The following HECW1 variants were observed in gnomAD, a reference collection of about 807,000 sequenced individuals.
The protein encoded by HECW1 is E3 ubiquitin-protein ligase HECW1.
A neutral mutation model predicts 182.3 loss-of-function variants in HECW1; 61 were observed. The ratio of observed to expected loss-of-function variants is 0.33; its 90% CI spans 0.27 to 0.41. The LOEUF is 0.41. HECW1 is among the 10% of genes least tolerant of loss of function. HECW1 has a pLI of 1.00. For synonymous variants in HECW1, 859 were observed against 832.6 expected (o/e 1.03, Z -0.55); for missense variants, 1,739 against 2,108.9 (o/e 0.82, Z 3.44).
intron 24 of HECW1, among the ~76,000 whole-genome samples, chr7:43,514,379 T>TC (rs1380212887): frequency 6.7e-6 from 1 of 150,152 alleles, no homozygotes; most frequent in Non-Finnish European, 1.5e-5. Flanking sequence ...AACCTCCACC[T>TC]CCTGGTTCAA....
intron 24 of HECW1, among the ~76,000 whole-genome samples, chr7:43,526,441 G>T (rs1174275151): frequency 6.6e-6 from 1 of 152,210 alleles, no homozygotes; most frequent in Non-Finnish European, 1.5e-5. Context: ...TAGAAAGATT[G>T]AATGAATGAA....
intron 2 of HECW1, among the ~76,000 whole-genome samples, chr7:43,219,121 AG>A (rs949731753): frequency 6.6e-6 from 1 of 151,864 alleles, no homozygotes; most frequent in African/African-American, 2.4e-5. Flanking sequence ...ATGCAAATAC[AG>A]GGCGCCATGA....
At chr7:43,371,977 G>A (rs1384969459) in intron 6 of HECW1, among the ~76,000 whole-genome samples, 7 of 151,950 alleles carry the variant, frequency 4.6e-5, no homozygotes, top group Non-Finnish European at 8.8e-5. Context: ...CCACCACCAC[G>A]CCCCGCTAAT....
At chr7:43,200,203 A>T (rs573376228) in intron 2 of HECW1, among the ~76,000 whole-genome samples, 1 of 152,242 alleles carries the variant, frequency 6.6e-6, no homozygotes, top group Non-Finnish European at 1.5e-5. Context: ...CTACCAAAAA[A>T]AGGCTTTCCT....
rs549203056 is a variant in HECW1, at chr7:43,444,339, G to T, written c.1167G>T (p.Glu389Asp). 1.9e-6 allele frequency: 3 copies of T among 1,614,184 alleles called. No individual in the cohort carries two copies. Among genetic ancestry groups the T allele is most frequent in the East Asian group, 4.5e-5 (2 of 44,882 alleles). ...GGTCTGAGGCACCAGAGTCCTCTGA[G>T]AGCTGGAAGCCAGAGCAGCTGGGTG... Reference protein sequence around the residue: ...EPRSEAPESSESWKPEQLGEG... With the variant: ...EPRSEAPESSDSWKPEQLGEG... The change falls in exon 11 of 30, where the codon GAG (glutamate) becomes GAT (aspartate). Residue 389 changes from glutamate to aspartate, a missense_variant. By Grantham distance (45) the Glu-to-Asp change is conservative. Coordinates refer to ENST00000395891, the MANE Select transcript of HECW1 (RefSeq NM_015052.5). The surrounding 1 kb of genome is among the most constrained non-coding windows in gnomAD (Gnocchi z 4.3).
At chr7:43,293,869 A>C (rs1003168724) in intron 3 of HECW1, among the ~76,000 whole-genome samples, 4 of 152,086 alleles carry the variant, frequency 2.6e-5, no homozygotes, top group Non-Finnish European at 4.4e-5. Context: ...AAGCGTTACC[A>C]CCTGAGTGCC....
At position 43,320,312 on chromosome 7, in the gene HECW1, C is replaced by A. The variant is rs530789980; in HGVS notation, c.353-323C>A. ...TTAGGAGGAAGATTTTCACACTGAG[C>A]TTTCACACATAGAAAAGCTATTTAA... On this transcript the variant is annotated intron_variant, in intron 4 of 29. Transcript: ENST00000395891. Among the ~76,000 whole-genome samples the A allele has an allele frequency of 2.0e-5, 3 of 152,200 alleles. No individual in the cohort carries two copies. In the East Asian group the frequency reaches 5.8e-4, roughly 29 times the overall value.
intron 24 of HECW1, among the ~76,000 whole-genome samples, chr7:43,527,208 A>C (rs1418075161): frequency 6.6e-6 from 1 of 152,182 alleles, no homozygotes; most frequent in African/African-American, 2.4e-5. Flanking sequence ...TGCTGAGTGA[A>C]AGGTGTTCTG....
chr7:43,532,681 T>A (rs916001180), intron 24 of HECW1, among the ~76,000 whole-genome samples: 1 of 152,158 alleles, frequency 6.6e-6, no homozygotes, highest in South Asian at 2.1e-4. Flanking sequence ...CTCTTTTTCT[T>A]TACTCAGGTC....
intron 14 of HECW1, among the ~76,000 whole-genome samples, chr7:43,464,259 T>C (rs2077683917): frequency 6.6e-6 from 1 of 152,230 alleles, no homozygotes; most frequent in Non-Finnish European, 1.5e-5. Context: ...TCACAGTATA[T>C]TGCAAAGGAG....
intron 2 of HECW1, among the ~76,000 whole-genome samples, chr7:43,216,290 T>C (rs1796433950): frequency 6.6e-6 from 1 of 151,600 alleles, no homozygotes; most frequent in Non-Finnish European, 1.5e-5. Flanking sequence ...GGACTACAGG[T>C]GTGCACCACC....
chr7:43,325,084 C>A (rs553652488), intron 5 of HECW1, among the ~76,000 whole-genome samples: 9 of 152,164 alleles, frequency 5.9e-5, no homozygotes, highest in Non-Finnish European at 1.2e-4. Context: ...CAAGGAGTAA[C>A]ATACCTGATA....
intron 3 of HECW1, among the ~76,000 whole-genome samples, chr7:43,301,615 G>C (rs916121338): frequency 2.0e-5 from 3 of 152,178 alleles, no homozygotes; most frequent in African/African-American, 7.2e-5. Flanking sequence ...AGTGGCTCAC[G>C]CCTGTAATTC....
intron 5 of HECW1, among the ~76,000 whole-genome samples, chr7:43,331,501 G>C (rs374614130): frequency 2.6e-5 from 4 of 151,948 alleles, no homozygotes; most frequent in African/African-American, 7.3e-5. Flanking sequence ...GCTGAGGCTG[G>C]AGAATGGCGT....
chr7:43,404,464 T>A (rs1473994187), intron 7 of HECW1, among the ~76,000 whole-genome samples: 4 of 152,082 alleles, frequency 2.6e-5, no homozygotes, highest in Admixed American at 6.5e-5. Flanking sequence ...AATGGCTGAG[T>A]GATAAAGAAA....
intron 5 of HECW1, among the ~76,000 whole-genome samples, chr7:43,331,256 A>G (rs1375616880): frequency 6.6e-6 from 1 of 151,476 alleles, no homozygotes; most frequent in Non-Finnish European, 1.5e-5. Context: ...TGTCCTTGCG[A>G]TAGTTTGCTC....
chr7:43,422,330 T>A (rs867876419), intron 8 of HECW1, among the ~76,000 whole-genome samples: 59 of 150,936 alleles, frequency 3.9e-4, no homozygotes, highest in African/African-American at 1.4e-3. Flanking sequence ...ACTTTTAGAG[T>A]ATACTTCTCT....
intron 3 of HECW1, among the ~76,000 whole-genome samples, chr7:43,309,050 G>T (rs1226637447): frequency 6.6e-6 from 1 of 152,224 alleles, no homozygotes; most frequent in African/African-American, 2.4e-5. Flanking sequence ...AGGTACAGGG[G>T]ATATACAGAG....
intron 2 of HECW1, among the ~76,000 whole-genome samples, chr7:43,221,989 C>T (rs912135124): frequency 1.3e-5 from 2 of 152,152 alleles, no homozygotes; most frequent in African/African-American, 2.4e-5. Context: ...CCTGGTAGCT[C>T]AATAAAAATG....
Sources: allele counts gnomAD v4.1 joint callset (sites outside exome capture counted in the v4.1 genomes callset), GRCh38; gene constraint gnomAD v4.1.1; non-coding constraint Gnocchi (gnomAD v3.1); transcripts MANE v1.5; gene names NCBI Gene and HGNC (gene_info 2026-07-23, HGNC 2026-07-21).